RAB38: variants seen among roughly 807,000 people sequenced by gnomAD.
RAB38 encodes the protein RAB38, member RAS oncogene family.
A neutral mutation model predicts 18.4 loss-of-function variants in RAB38; 15 were observed. The ratio of observed to expected loss-of-function variants is 0.82; its 90% CI spans 0.55 to 1.26. The LOEUF (loss-of-function observed/expected upper bound fraction) is 1.26. Ranked by LOEUF, RAB38 falls within the 50% of genes most tolerant of loss-of-function variation. The pLI, the probability that RAB38 is intolerant of heterozygous loss-of-function variation, is 0.00. For synonymous variants in RAB38, 101 were observed against 104.4 expected (o/e 0.97, Z 0.20); for missense variants, 294 against 267.4 (o/e 1.10, Z -0.69).
At chr11:87,818,116 G>A in the RAB38 span, among the ~76,000 whole-genome samples, 5 of 152,056 alleles carry the variant, frequency 3.3e-5, no homozygotes, top group African/African-American at 7.2e-5. Context: ...ACAGATAGCC[G>A]GGAGCTCCAT....
the RAB38 span, among the ~76,000 whole-genome samples, chr11:87,939,224 G>A: frequency 6.6e-6 from 1 of 151,978 alleles, no homozygotes; most frequent in Admixed American, 6.6e-5. Flanking sequence ...GTTCTCATTG[G>A]TGTCTCTTCA....
chr11:88,037,475 A>ACC, the RAB38 span, among the ~76,000 whole-genome samples: 1 of 152,136 alleles, frequency 6.6e-6, no homozygotes, highest in South Asian at 2.1e-4. Flanking sequence ...TTCTAAGTGT[A>ACC]CAGTTTGAGC....
chr11:87,958,711 G>A, the RAB38 span, among the ~76,000 whole-genome samples: 1 of 152,130 alleles, frequency 6.6e-6, no homozygotes, highest in Non-Finnish European at 1.5e-5. Context: ...AATTTTTGAT[G>A]TCAAGACAAA....
At chr11:88,056,501 G>A in the RAB38 span, among the ~76,000 whole-genome samples, 1 of 152,046 alleles carries the variant, frequency 6.6e-6, no homozygotes, top group African/African-American at 2.4e-5. Flanking sequence ...AACGTTTATT[G>A]AGGACTTAAA....
chr11:87,958,862 G>T, the RAB38 span, among the ~76,000 whole-genome samples: 4 of 152,074 alleles, frequency 2.6e-5, no homozygotes, highest in Non-Finnish European at 5.9e-5. Context: ...TAAGAAGGCT[G>T]CTTATTTGCT....
At position 88,114,031 on chromosome 11, in the gene RAB38, G is replaced by A. The variant is rs747613631; in HGVS notation, c.593C>T (p.Thr198Ile). 6.2e-7 allele frequency: 1 copy of A among 1,614,198 alleles called. No homozygotes were observed. The part of the protein sequence containing the change: ...IEPDVVKPHL[T>I]STKVASCSGC... Reference sequence around the variant, plus strand: ...AGAGCAGCTGGCAACCTTGGTTGATGTGAGATGGGGCTTCACGACGTCCGG... The same window carrying A: ...AGAGCAGCTGGCAACCTTGGTTGATATGAGATGGGGCTTCACGACGTCCGG... Residue 198 changes from threonine to isoleucine, a missense_variant, in exon 3 of 3, where the codon ACA becomes ATA. By Grantham distance (89) the Thr-to-Ile change is moderately conservative (BLOSUM62 -1). Coordinates refer to ENST00000243662, the MANE Select transcript of RAB38 (RefSeq NM_022337.3).
At chr11:87,957,320 G>C in the RAB38 span, among the ~76,000 whole-genome samples, 1 of 151,940 alleles carries the variant, frequency 6.6e-6, no homozygotes, top group African/African-American at 2.4e-5. Context: ...CCCCCATAGG[G>C]GCAATAAGGT....
chr11:88,139,249 A>G (rs1942875664), intron 2 of RAB38, among the ~76,000 whole-genome samples: 1 of 152,172 alleles, frequency 6.6e-6, no homozygotes, highest in African/African-American at 2.4e-5. Flanking sequence ...AGGAGTTCCT[A>G]AGAGTGGGTT....
chr11:88,123,843 T>C (rs117119304), intron 2 of RAB38, among the ~76,000 whole-genome samples: 7 of 152,320 alleles, frequency 4.6e-5, no homozygotes, highest in Non-Finnish European at 7.4e-5. Context: ...TACGACTATA[T>C]AGTACATATA....
the RAB38 span, among the ~76,000 whole-genome samples, chr11:88,094,091 A>G: frequency 6.6e-6 from 1 of 151,694 alleles, no homozygotes; most frequent in Non-Finnish European, 1.5e-5. Context: ...TGACAGCTCC[A>G]CTCCCCAAAG....
intron 1 of RAB38, among the ~76,000 whole-genome samples, chr11:88,158,579 A>C (rs181353316): frequency 1.9e-3 from 293 of 152,182 alleles, no homozygotes; most frequent in African/African-American, 6.8e-3. Context: ...ATTCACTATG[A>C]TCAAATAGTG....
the RAB38 span, among the ~76,000 whole-genome samples, chr11:88,010,759 G>C: frequency 1.3e-5 from 2 of 152,172 alleles, no homozygotes; most frequent in Non-Finnish European, 2.9e-5. Flanking sequence ...GCAGTTGAGA[G>C]CAAAACTATG....
At chr11:87,976,704 ACATATTTATATTTCTATAT>A in the RAB38 span, among the ~76,000 whole-genome samples, 15 of 101,100 alleles carry the variant, frequency 1.5e-4, no homozygotes, top group Admixed American at 3.7e-4. Context: ...ATATATTTTT[ACATATTTATATTTCTATAT>A]ATTTTATATA....
chr11:88,160,661 T>TA (rs1184656566), intron 1 of RAB38, among the ~76,000 whole-genome samples: 1 of 152,032 alleles, frequency 6.6e-6, no homozygotes, highest in Non-Finnish European at 1.5e-5. Context: ...AAAAAGAGAA[T>TA]AAAATCATAT....
intron 2 of RAB38, among the ~76,000 whole-genome samples, chr11:88,147,990 C>T (rs1943012857): frequency 6.6e-6 from 1 of 152,166 alleles, no homozygotes; most frequent in Admixed American, 6.5e-5. Context: ...TGTGCTGTCT[C>T]CCCTTACAGC....
chr11:87,897,964 G>A, the RAB38 span, among the ~76,000 whole-genome samples: 1 of 151,550 alleles, frequency 6.6e-6, no homozygotes, highest in Non-Finnish European at 1.5e-5. Context: ...TCATGAATCT[G>A]TAAGAATCTG....
chr11:88,063,531 G>T, the RAB38 span, among the ~76,000 whole-genome samples: 1 of 152,104 alleles, frequency 6.6e-6, no homozygotes, highest in African/African-American at 2.4e-5. Context: ...TAAAGCCAGG[G>T]CTTAAGCAAG....
chr11:88,137,436 T>C (rs1341472237), intron 2 of RAB38, among the ~76,000 whole-genome samples: 1 of 152,198 alleles, frequency 6.6e-6, no homozygotes, highest in Admixed American at 6.5e-5. Context: ...CAGGATAAAA[T>C]TGAGTTATTC....
chr11:88,101,318 GAATT>G, the RAB38 span, among the ~76,000 whole-genome samples: 4 of 151,860 alleles, frequency 2.6e-5, no homozygotes, highest in Admixed American at 6.6e-5. Context: ...CTATTACAAA[GAATT>G]AATTGAGTAA....
Sources: allele counts gnomAD v4.1 joint callset (sites outside exome capture counted in the v4.1 genomes callset), GRCh38; gene constraint gnomAD v4.1.1; transcripts MANE v1.5; gene names NCBI Gene and HGNC (gene_info 2026-07-23, HGNC 2026-07-21).